TNKS2: variants seen among roughly 807,000 people sequenced by gnomAD.
TNKS2 encodes the protein poly [ADP-ribose] polymerase tankyrase-2.
A neutral mutation model predicts 137.6 loss-of-function variants in TNKS2; 72 were observed. That is an observed-to-expected ratio of 0.52 (90% confidence interval 0.43 to 0.64). The LOEUF (loss-of-function observed/expected upper bound fraction) is 0.64. Among genes scored for constraint, TNKS2 ranks in the 30% least tolerant of loss-of-function variants. The probability of loss-of-function intolerance (pLI) is 0.00; values close to 1 mark genes in which losing one functional copy is unlikely to be tolerated. For missense variants in TNKS2, 1,049 were observed against 1,410.2 expected, an observed-to-expected ratio of 0.74 and a Z score of 4.10; for synonymous variants, 516 against 512.1, an observed-to-expected ratio of 1.01 and a Z score of -0.10.
chr10:91,800,421 A>G (rs571973075), intron 1 of TNKS2, among the ~76,000 whole-genome samples: 4 of 152,318 alleles, frequency 2.6e-5, no homozygotes, highest in East Asian at 1.9e-4. Context: ...CTTAGTTGCT[A>G]CCTTTCAAGA....
intron 9 of TNKS2, among the ~76,000 whole-genome samples, chr10:91,828,645 C>T (rs1429489614): frequency 1.3e-5 from 2 of 152,052 alleles, no homozygotes; most frequent in Non-Finnish European, 2.9e-5. Flanking sequence ...CATATTCTGA[C>T]ATGTATTATA....
intron 3 of TNKS2, among the ~76,000 whole-genome samples, 197 bp from the exon 4 acceptor site, chr10:91,819,073 A>T (rs576409521): frequency 1.3e-5 from 2 of 152,028 alleles, no homozygotes; most frequent in African/African-American, 4.8e-5. Context: ...TTTTAATCCC[A>T]TAGCAAAGGT....
At chr10:91,823,022 C>T (rs970980382) in intron 7 of TNKS2, among the ~76,000 whole-genome samples, 1 of 148,876 alleles carries the variant, frequency 6.7e-6, no homozygotes, top group Non-Finnish European at 1.5e-5. Context: ...CACTGCACTC[C>T]AGCGCAGGCA....
intron 1 of TNKS2, among the ~76,000 whole-genome samples, chr10:91,799,838 C>G (rs1401954850): frequency 1.3e-5 from 2 of 152,114 alleles, no homozygotes; most frequent in Non-Finnish European, 2.9e-5. Context: ...TCTGACAATC[C>G]TGGTTTTTTG....
intron 1 of TNKS2, among the ~76,000 whole-genome samples, chr10:91,806,042 CTTTTT>C (rs34004456): frequency 6.2e-5 from 8 of 130,070 alleles, no homozygotes; most frequent in African/African-American, 1.4e-4. Flanking sequence ...CATTCTTTCT[CTTTTT>C]TTTTTTTTTT....
chr10:91,854,416 A>G (rs1842642413), intron 21 of TNKS2, among the ~76,000 whole-genome samples: 1 of 152,176 alleles, frequency 6.6e-6, no homozygotes, highest in Non-Finnish European at 1.5e-5. Context: ...TTGATCCTAG[A>G]ACAAAAAAAA....
chr10:91,814,452 A>T (rs1844607435), intron 2 of TNKS2, among the ~76,000 whole-genome samples: 1 of 152,238 alleles, frequency 6.6e-6, no homozygotes, highest in Non-Finnish European at 1.5e-5. Flanking sequence ...AAAATATTTT[A>T]AAAATAAACT....
Position 91,848,482 on chromosome 10 carries a change from G to A in TNKS2, c.2458G>A (p.Ala820Thr), listed in dbSNP as rs780436177. 2 of 1,614,044 alleles carry A rather than the reference G, an allele frequency of 1.2e-6. No individual in the cohort carries two copies. Among genetic ancestry groups the A allele is most frequent in the Non-Finnish European group, 1.7e-6 (2 of 1,180,042 alleles). The part of the protein sequence containing the change: ...QVLNGVRSPG[A>T]TADALSSGPS... ...GCTCAATGGTGTGAGAAGCCCAGGA[G>A]CCACTGCAGATGCTCTCTCTTCAGG... is the stretch of plus-strand genomic sequence containing the variant. Residue 820 changes from alanine (A) to threonine (T), a missense_variant, in exon 19 of 27, where the codon GCC (alanine) becomes ACC (threonine). Ala to Thr is a moderately conservative substitution (Grantham distance 58, BLOSUM62 0). Coordinates refer to ENST00000371627, the MANE Select transcript of TNKS2 (RefSeq NM_025235.4).
intron 19 of TNKS2, 44 bp from the exon 20 acceptor site, chr10:91,849,468 T>A: frequency 6.9e-7 from 1 of 1,457,910 alleles, no homozygotes; most frequent in Non-Finnish European, 9.6e-7. Context: ...AATACATTAT[T>A]CTGATGTGAA....
intron 9 of TNKS2, among the ~76,000 whole-genome samples, chr10:91,829,999 A>G (rs1456134734): frequency 1.3e-5 from 2 of 152,112 alleles, no homozygotes; most frequent in Non-Finnish European, 2.9e-5. Context: ...GCAAATCTCT[A>G]CTTCCTGTCT....
chr10:91,855,571 A>G (rs1312710511), intron 22 of TNKS2, 43 bp from the exon 23 acceptor site: 20 of 1,456,016 alleles, frequency 1.4e-5, no homozygotes, highest in Non-Finnish European at 1.9e-5. Context: ...AGAAAATAAC[A>G]CAAATGCTAA....
chr10:91,823,605 G>C (rs922428173), intron 7 of TNKS2, among the ~76,000 whole-genome samples: 14 of 152,100 alleles, frequency 9.2e-5, no homozygotes, highest in African/African-American at 3.4e-4. Context: ...GAGATTAACA[G>C]ACGTGAGCCA....
Position 91,828,313 on chromosome 10 carries a change from A to G in TNKS2, c.1011A>G (p.Gln337=), listed in dbSNP as rs142723604. 117 of 1,599,460 alleles carry G rather than the reference A, an allele frequency of 7.3e-5. No individual in the cohort carries two copies. In the African/African-American group the frequency reaches 1.3e-3, roughly 17 times the overall value. Residue 337 remains glutamine, a synonymous_variant, in exon 9 of 27, where the codon CAA becomes CAG. Coordinates refer to ENST00000371627, the MANE Select transcript of TNKS2 (RefSeq NM_025235.4). The stretch of plus-strand genomic sequence containing the variant: ...AATTTAAAGGCCACTCGTTGCTGCA[A>G]GCTGCACGAGAAGCTGATGTTACTC... ...AYEFKGHSLL[Q]AAREADVTRI...
rs1844565826 is a variant in TNKS2, at chr10:91,813,224, T to C, written c.424+17T>C. The C allele has an allele frequency of 6.2e-7, 1 of 1,602,108 alleles. No individual in the cohort carries two copies. The highest frequency in any genetic ancestry group is 8.5e-7 in the Non-Finnish European group (1 of 1,169,702). On this transcript the variant is annotated intron_variant, in intron 2 of 26. Coordinates refer to ENST00000371627, the MANE Select transcript of TNKS2 (RefSeq NM_025235.4). ...TTTGCATTGGTAAGACTGTTTACTT[T>C]TCCGACTTTTACTAATGTTGTAACT...
chr10:91,857,358 T>G lies in TNKS2; in HGVS notation c.2989-67T>G, dbSNP rs1174624244. ...TTCTAGCTAAATGTATGTCCCATGT[T>G]TGGTTTAGATGAAGAAGTCAGTAAG... On this transcript the variant is annotated intron_variant, in intron 23 of 26. Transcript: ENST00000371627. 3 of 1,074,930 alleles carry G rather than the reference T, an allele frequency of 2.8e-6. No homozygotes were observed. In the African/African-American group the frequency reaches 4.7e-5, roughly 17 times the overall value. The allele number at this position is 1,074,930 out of a possible 1,614,324, so 66.6% of individuals were successfully genotyped here. A position where few individuals can be genotyped will look rare whatever the true frequency, so the allele number is the denominator to read the frequency against.
chr10:91,838,931 G>A (rs751567250), intron 13 of TNKS2, among the ~76,000 whole-genome samples: 10 of 152,156 alleles, frequency 6.6e-5, no homozygotes, highest in East Asian at 3.9e-4. Flanking sequence ...GCAATTGCAC[G>A]ATCTCGGCTC....
intron 18 of TNKS2, 114 bp from the exon 19 acceptor site, chr10:91,848,264 ATTGTG>A: frequency 9.1e-7 from 1 of 1,101,972 alleles, no homozygotes; most frequent in Non-Finnish European, 1.3e-6. Context: ...ATAATCCTCC[ATTGTG>A]ATAGTACTGG....
At position 91,840,581 on chromosome 10, in the gene TNKS2, T is replaced by G; in HGVS notation, c.1548T>G (p.Ser516Arg). 1.2e-6 allele frequency: 2 copies of G among 1,614,022 alleles called. No individual in the cohort carries two copies. Among genetic ancestry groups the G allele is most frequent in the Non-Finnish European group, 1.7e-6 (2 of 1,179,978 alleles). The change falls in exon 14 of 27, where the codon AGT (serine) becomes AGG (arginine). Residue 516 changes from serine (S) to arginine (R), a missense_variant. By Grantham distance (110) the Ser-to-Arg change is moderately radical. This residue lies in a region of TNKS2 where 328 missense variants were observed against 436.0 expected (regional missense o/e 0.75). Transcript: ENST00000371627. ...TTCAGAAACTGTGTACTGTTCAGAGTGTCAACTGCAGAGACATTGAAGGGC... is the reference window on the plus strand; with the variant it reads ...TTCAGAAACTGTGTACTGTTCAGAGGGTCAACTGCAGAGACATTGAAGGGC... ...ETVKKLCTVQ[S>R]VNCRDIEGRQ...
intron 13 of TNKS2, among the ~76,000 whole-genome samples, chr10:91,837,554 C>G (rs1842065936): frequency 6.6e-6 from 1 of 152,168 alleles, no homozygotes; most frequent in South Asian, 2.1e-4. Context: ...TTGACTCTTG[C>G]TGTAGAAATA....
Sources: allele counts gnomAD v4.1 joint callset (sites outside exome capture counted in the v4.1 genomes callset), GRCh38; gene constraint gnomAD v4.1.1; regional missense constraint gnomAD v4.1.1; transcripts MANE v1.5; gene names NCBI Gene and HGNC (gene_info 2026-07-23, HGNC 2026-07-21).